The following DGKB variants were observed in gnomAD, a reference collection of about 807,000 sequenced individuals.
DGKB encodes the protein 90 kDa diacylglycerol kinase.
In DGKB, 67 loss-of-function variants were observed where a neutral mutation model predicts 114.3. The ratio of observed to expected loss-of-function variants is 0.59; its 90% CI spans 0.48 to 0.72. The LOEUF (loss-of-function observed/expected upper bound fraction) is 0.72. DGKB is among the 30% of genes least tolerant of loss of function. DGKB has a pLI of 0.00. For synonymous variants in DGKB, 398 were observed against 323.1 expected (o/e 1.23, Z -2.49); for missense variants, 907 against 975.2 (o/e 0.93, Z 0.93).
intron 1 of DGKB, among the ~76,000 whole-genome samples, chr7:14,911,449 T>C (rs1258080391): frequency 6.6e-6 from 1 of 152,160 alleles, no homozygotes. Context: ...GTTATTAACT[T>C]ATAAGCTCTA....
At chr7:14,296,363 C>G (rs1802564971) in intron 23 of DGKB, among the ~76,000 whole-genome samples, 1 of 152,104 alleles carries the variant, frequency 6.6e-6, no homozygotes, top group South Asian at 2.1e-4. Flanking sequence ...CATAGTATTC[C>G]ATGGTATATT....
chr7:14,785,791 GA>G (rs936252019), intron 2 of DGKB, among the ~76,000 whole-genome samples: 1 of 151,766 alleles, frequency 6.6e-6, no homozygotes, highest in Admixed American at 6.6e-5. Context: ...AACACCACGT[GA>G]AATTAACCAT....
At chr7:14,293,145 G>T (rs909151788) in intron 23 of DGKB, among the ~76,000 whole-genome samples, 5 of 152,016 alleles carry the variant, frequency 3.3e-5, no homozygotes, top group Admixed American at 6.6e-5. Context: ...TATGAACATG[G>T]TCAGTTTAAT....
chr7:14,589,933 C>T (rs933064079), intron 17 of DGKB, among the ~76,000 whole-genome samples: 11 of 141,852 alleles, frequency 7.8e-5, no homozygotes, highest in South Asian at 2.4e-4. Context: ...CCCCATTTTA[C>T]GATTTTTTGT....
At chr7:14,897,686 G>A (rs1587294339) in intron 1 of DGKB, among the ~76,000 whole-genome samples, 2 of 151,856 alleles carry the variant, frequency 1.3e-5, no homozygotes, top group South Asian at 4.2e-4. Flanking sequence ...ATTGCCCCAC[G>A]TATTCTAAAT....
At chr7:14,827,181 C>A (rs986184958) in intron 2 of DGKB, among the ~76,000 whole-genome samples, 1 of 152,114 alleles carries the variant, frequency 6.6e-6, no homozygotes, top group African/African-American at 2.4e-5. Context: ...TTTTTGATTA[C>A]CTTCTCATAT....
chr7:14,565,040 G>A lies in DGKB; in HGVS notation c.1770+9172C>T, dbSNP rs143073050. Among the ~76,000 whole-genome samples, 190 of 152,114 alleles carry A rather than the reference G, an allele frequency of 1.2e-3. 1 individual carries two copies. Among genetic ancestry groups the A allele is most frequent in the Middle Eastern group, 3.4e-3 (1 of 294 alleles). On this transcript the variant is annotated intron_variant, in intron 20 of 25. Transcript: ENST00000402815. ...TCCCCTTGCAATGTAACTGTCTTCC[G>A]TCAAGAGGTAGATTCTATATCTTCT...
chr7:14,821,401 T>C (rs908125404), intron 2 of DGKB, among the ~76,000 whole-genome samples: 1 of 152,084 alleles, frequency 6.6e-6, no homozygotes. Context: ...ATTAACTGTG[T>C]TGAAGAAAAT....
intron 2 of DGKB, among the ~76,000 whole-genome samples, chr7:14,822,046 C>A (rs766652600): frequency 2.0e-5 from 3 of 152,036 alleles, no homozygotes; most frequent in Non-Finnish European, 4.4e-5. Context: ...ATTAAAAATG[C>A]AATAGCCTAA....
At chr7:14,643,249 T>A (rs1012441353) in intron 13 of DGKB, among the ~76,000 whole-genome samples, 2 of 152,140 alleles carry the variant, frequency 1.3e-5, no homozygotes, top group Non-Finnish European at 1.5e-5. Flanking sequence ...GCCATCTACA[T>A]TCCCATCAGA....
chr7:14,729,004 G>C (rs1586034022), intron 5 of DGKB, among the ~76,000 whole-genome samples: 1 of 151,178 alleles, frequency 6.6e-6, no homozygotes, highest in Non-Finnish European at 1.5e-5. Context: ...CAAGGCTCCA[G>C]CCTCTTTTTG....
At chr7:14,574,503 AC>A in intron 19 of DGKB, 131 bp from the exon 20 acceptor site, 1 of 716,168 alleles carries the variant, frequency 1.4e-6, no homozygotes, top group South Asian at 2.1e-5. Flanking sequence ...ACATTCTGCC[AC>A]CAAATGAAGA....
intron 21 of DGKB, among the ~76,000 whole-genome samples, chr7:14,393,340 C>T (rs1264647572): frequency 1.3e-5 from 2 of 152,030 alleles, no homozygotes; most frequent in African/African-American, 2.4e-5. Flanking sequence ...TTGATGACAA[C>T]GAACACCAAT....
At chr7:14,969,598 T>A (rs1259461155) in intron 1 of DGKB, among the ~76,000 whole-genome samples, 1 of 152,100 alleles carries the variant, frequency 6.6e-6, no homozygotes, top group African/African-American at 2.4e-5. Context: ...GGAGCATGAA[T>A]CCTATTGTAA....
At chr7:14,903,555 G>GTGAA (rs1783456627), upstream of DGKB, among the ~76,000 whole-genome samples, 1 of 152,036 alleles carries the variant, frequency 6.6e-6, no homozygotes, top group African/African-American at 2.4e-5. Context: ...GTCCTTGGTG[G>GTGAA]GTCATTGTTC....
At chr7:14,832,371 C>G (rs1846540365) in intron 2 of DGKB, among the ~76,000 whole-genome samples, 1 of 151,966 alleles carries the variant, frequency 6.6e-6, no homozygotes, top group Admixed American at 6.6e-5. Flanking sequence ...TCTTTCTCTC[C>G]TATGCAGAAG....
chr7:14,314,325 A>G (rs548315649), intron 23 of DGKB, among the ~76,000 whole-genome samples: 25 of 152,192 alleles, frequency 1.6e-4, no homozygotes, highest in African/African-American at 5.8e-4. Flanking sequence ...CAGATGATCA[A>G]ATTACTCTGA....
rs1021801905 is a variant in DGKB, at chr7:14,388,600, C to T, written c.1836-43209G>A. Among the ~76,000 whole-genome samples, 3 of 151,744 alleles carry T rather than the reference C, an allele frequency of 2.0e-5. No homozygotes were observed. The East Asian group carries it at 5.8e-4, about 29-fold the overall frequency. ...CAGTAGGTAACTATACTTTTATTGGCAGGAAGAGAAATTCTTATGAAAAAT... is the reference window on the plus strand; with the variant it reads ...CAGTAGGTAACTATACTTTTATTGGTAGGAAGAGAAATTCTTATGAAAAAT... On this transcript the variant is annotated intron_variant, in intron 21 of 25. Coordinates refer to ENST00000402815, the MANE Select transcript of DGKB (RefSeq NM_001350709.2).
At chr7:14,898,762 C>T (rs574622039) in intron 1 of DGKB, among the ~76,000 whole-genome samples, 1 of 152,208 alleles carries the variant, frequency 6.6e-6, no homozygotes, top group African/African-American at 2.4e-5. Context: ...ACACATCTGA[C>T]AATAGCTCAG....
Sources: allele counts gnomAD v4.1 joint callset (sites outside exome capture counted in the v4.1 genomes callset), GRCh38; gene constraint gnomAD v4.1.1; transcripts MANE v1.5; gene names NCBI Gene and HGNC (gene_info 2026-07-23, HGNC 2026-07-21).